The following UNC5D variants were observed in gnomAD, a reference collection of about 807,000 sequenced individuals.
UNC5D encodes netrin receptor UNC5D.
In UNC5D, 39 loss-of-function variants were observed where a neutral mutation model predicts 105.4. The observed-to-expected ratio is 0.37, with a 90% CI of 0.29 to 0.48. UNC5D has a LOEUF of 0.48. Among genes scored for constraint, UNC5D ranks in the 20% least tolerant of loss-of-function variants. The pLI is 0.98. For synonymous variants in UNC5D, 452 were observed against 450.4 expected (o/e 1.00, Z -0.04); for missense variants, 991 against 1,202.4 (o/e 0.82, Z 2.60).
chr8:35,402,297 C>T (rs1804518711), intron 1 of UNC5D, among the ~76,000 whole-genome samples: 1 of 152,054 alleles, frequency 6.6e-6, no homozygotes, highest in Non-Finnish European at 1.5e-5. Flanking sequence ...GCTGGGGAGG[C>T]CTCACAGTCA....
chr8:35,742,326 C>T (rs1016262116), intron 11 of UNC5D, among the ~76,000 whole-genome samples: 4 of 151,530 alleles, frequency 2.6e-5, no homozygotes, highest in African/African-American at 9.7e-5. Context: ...AATTTTAGTA[C>T]CCCAGGTCAA....
intron 13 of UNC5D, among the ~76,000 whole-genome samples, chr8:35,751,239 AGGGT>A (rs1462416630): frequency 6.6e-6 from 1 of 152,186 alleles, no homozygotes; most frequent in African/African-American, 2.4e-5. Context: ...TTTATTCAAC[AGGGT>A]GGTGCCTACT....
At chr8:35,393,665 A>C (rs1803922676) in intron 1 of UNC5D, among the ~76,000 whole-genome samples, 1 of 152,186 alleles carries the variant, frequency 6.6e-6, no homozygotes, top group Non-Finnish European at 1.5e-5. Flanking sequence ...CTCATTTGAA[A>C]AGCACCAGTG....
At chr8:35,494,206 G>T (rs1811397483) in intron 1 of UNC5D, among the ~76,000 whole-genome samples, 1 of 152,058 alleles carries the variant, frequency 6.6e-6, no homozygotes, top group South Asian at 2.1e-4. Flanking sequence ...GTATTATAAA[G>T]TTAAAATGAT....
chr8:35,785,398 C>T (rs368606551), intron 16 of UNC5D, among the ~76,000 whole-genome samples: 3 of 152,118 alleles, frequency 2.0e-5, no homozygotes, highest in Non-Finnish European at 2.9e-5. Flanking sequence ...CTTGCTCTGT[C>T]GCCCAGGTTG....
chr8:35,659,882 G>A (rs1183886654), intron 4 of UNC5D, among the ~76,000 whole-genome samples: 1 of 152,078 alleles, frequency 6.6e-6, no homozygotes, highest in Admixed American at 6.6e-5. Flanking sequence ...CCTTCCCCAG[G>A]CCACCACTAC....
At position 35,740,013 on chromosome 8, in the gene UNC5D, C is replaced by CGGTGG. The variant is rs370102093; in HGVS notation, c.1767-8512_1767-8508dup. 7.5e-3 allele frequency among the ~76,000 whole-genome samples: 1,138 copies of CGGTGG among 152,268 alleles called. 14 individuals are homozygous for CGGTGG. Among genetic ancestry groups the CGGTGG allele is most frequent in the African/African-American group, 0.026 (1,084 of 41,554 alleles). ...ATATGGAGCTTCGCTCTGCAAATTA[C>CGGTGG]GGTGGGTGTTCTGGAAACTGAAACA... On this transcript the variant is annotated intron_variant, in intron 11 of 16. Transcript: ENST00000404895.
At chr8:35,650,341 C>T (rs1368068149) in intron 4 of UNC5D, among the ~76,000 whole-genome samples, 1 of 152,090 alleles carries the variant, frequency 6.6e-6, no homozygotes, top group Non-Finnish European at 1.5e-5. Context: ...TGTCAGGAGC[C>T]TCCCTTAGCC....
chr8:35,510,531 G>C (rs1812634321), intron 1 of UNC5D, among the ~76,000 whole-genome samples: 1 of 151,996 alleles, frequency 6.6e-6, no homozygotes, highest in South Asian at 2.1e-4. Context: ...TCATTGCTGA[G>C]GTTGTAATAA....
At position 35,384,387 on chromosome 8, in the gene UNC5D, A is replaced by G. The variant is rs367717448; in HGVS notation, c.103+148500A>G. The stretch of plus-strand genomic sequence containing the variant: ...GTACTATAAATATGGGTGCACTCAC[A>G]TGTATGCATTCTAACACGTCTGGTC... On this transcript the variant is annotated intron_variant, in intron 1 of 16. Transcript: ENST00000404895. 3.4e-4 allele frequency among the ~76,000 whole-genome samples: 52 copies of G among 152,290 alleles called. 1 individual carries two copies. The highest frequency in any genetic ancestry group is 1.1e-3 in the African/African-American group (47 of 41,568).
intron 1 of UNC5D, among the ~76,000 whole-genome samples, chr8:35,396,647 G>A (rs1301950952): frequency 1.3e-5 from 2 of 151,990 alleles, no homozygotes; most frequent in Non-Finnish European, 2.9e-5. Flanking sequence ...ACAGGCATGC[G>A]CCATCACGCC....
chr8:35,452,349 C>T (rs1267870340), intron 1 of UNC5D, among the ~76,000 whole-genome samples: 1 of 152,140 alleles, frequency 6.6e-6, no homozygotes, highest in African/African-American at 2.4e-5. Flanking sequence ...ACTGCCATCT[C>T]CACCTCCCAG....
intron 1 of UNC5D, among the ~76,000 whole-genome samples, chr8:35,337,683 C>T (rs1811146582): frequency 6.6e-6 from 1 of 151,988 alleles, no homozygotes; most frequent in Non-Finnish European, 1.5e-5. Context: ...CTCAACTTCT[C>T]ATTATCTATG....
intron 3 of UNC5D, among the ~76,000 whole-genome samples, chr8:35,572,730 G>C (rs1237066181): frequency 6.6e-6 from 1 of 151,900 alleles, no homozygotes; most frequent in Non-Finnish European, 1.5e-5. Context: ...AATCAACCAG[G>C]ATGCTATTAA....
At chr8:35,468,635 TAA>T (rs1809484646) in intron 1 of UNC5D, among the ~76,000 whole-genome samples, 1 of 152,216 alleles carries the variant, frequency 6.6e-6, no homozygotes, top group South Asian at 2.1e-4. Flanking sequence ...CTCTATTTTT[TAA>T]AGTTATGTCA....
At chr8:35,771,518 G>T (rs1190890163) in intron 15 of UNC5D, among the ~76,000 whole-genome samples, 1 of 152,184 alleles carries the variant, frequency 6.6e-6, no homozygotes, top group Non-Finnish European at 1.5e-5. Flanking sequence ...GAGACTAGAA[G>T]AAATTTTACA....
At chr8:35,558,642 C>T (rs529822834) in intron 2 of UNC5D, among the ~76,000 whole-genome samples, 89 of 152,250 alleles carry the variant, frequency 5.8e-4, no homozygotes, top group Middle Eastern at 3.4e-3. Flanking sequence ...GCTGAGAAAT[C>T]TTGGGAGTTC....
At chr8:35,778,248 A>T (rs1802346435) in intron 16 of UNC5D, among the ~76,000 whole-genome samples, 1 of 152,190 alleles carries the variant, frequency 6.6e-6, no homozygotes, top group Non-Finnish European at 1.5e-5. Context: ...CCACCAAAAT[A>T]CTTGGAGAAG....
In UNC5D at chr8:35,596,510, G is replaced by A. The variant is rs73674037; in HGVS notation, c.570+853G>A. On this transcript the variant is annotated intron_variant, in intron 4 of 16. Transcript: ENST00000404895. The stretch of plus-strand genomic sequence containing the variant: ...TCAGTTAATTTATAAAGTTTATTTT[G>A]CCAAGGTTGAGGATGCGTGCCCATG... 6.2e-3 allele frequency among the ~76,000 whole-genome samples: 949 copies of A among 152,244 alleles called. 9 individuals are homozygous for A. The highest frequency in any genetic ancestry group is 0.022 in the African/African-American group (905 of 41,548).
Sources: allele counts gnomAD v4.1 joint callset (sites outside exome capture counted in the v4.1 genomes callset), GRCh38; gene constraint gnomAD v4.1.1; transcripts MANE v1.5; gene names NCBI Gene and HGNC (gene_info 2026-07-23, HGNC 2026-07-21).